KCNAB2: variants seen among roughly 807,000 people sequenced by gnomAD.
KCNAB2 encodes voltage-gated potassium channel subunit beta-2.
A neutral mutation model predicts 63.6 loss-of-function variants in KCNAB2; 29 were observed. The observed-to-expected ratio is 0.46, with a 90% CI of 0.34 to 0.62. The LOEUF (loss-of-function observed/expected upper bound fraction) is 0.62, where lower values mean the gene tolerates loss of function less well. Among genes scored for constraint, KCNAB2 ranks in the 20% least tolerant of loss-of-function variants. The pLI, the probability that KCNAB2 is intolerant of heterozygous loss-of-function variation, is 0.01. For synonymous variants in KCNAB2, 222 were observed against 224.2 expected (o/e 0.99, Z 0.09); for missense variants, 359 against 563.9 (o/e 0.64, Z 3.68).
chr1:6,067,801 G>T (rs767743467), intron 2 of KCNAB2, among the ~76,000 whole-genome samples: 5 of 152,192 alleles, frequency 3.3e-5, no homozygotes, highest in Non-Finnish European at 5.9e-5. Flanking sequence ...AGACTGAGGA[G>T]GGTGGATCAC....
In KCNAB2 at chr1:6,096,901, C is replaced by A; in HGVS notation, c.1069+145C>A. The A allele has an allele frequency of 8.7e-7, 1 of 1,144,782 alleles. No homozygotes were observed. Among genetic ancestry groups the A allele is most frequent in the Non-Finnish European group, 1.2e-6 (1 of 835,720 alleles). 70.9% of individuals were successfully genotyped at this position (1,144,782 alleles called of 1,614,324 possible). Reference sequence around the variant, plus strand: ...CTGGACATCATCCCCCAGCCAGCCTCGGGTAATCGGGCTCTAAGGGGCATG... The same window carrying A: ...CTGGACATCATCCCCCAGCCAGCCTAGGGTAATCGGGCTCTAAGGGGCATG... On this transcript the variant is annotated intron_variant, in intron 14 of 15. Coordinates refer to ENST00000378083, the MANE Select transcript of KCNAB2 (RefSeq NM_001199862.2). This position sits in a 1 kb window ranked among gnomAD's most constrained non-coding sequence, Gnocchi z 5.9.
intron 8 of KCNAB2, among the ~76,000 whole-genome samples, chr1:6,089,798 A>G (rs1665026744): frequency 6.6e-6 from 1 of 152,204 alleles, no homozygotes; most frequent in African/African-American, 2.4e-5. Context: ...CCTGGGTTCA[A>G]GCAATTCTCC....
intron 2 of KCNAB2, among the ~76,000 whole-genome samples, chr1:6,058,938 G>A (rs949418682): frequency 3.3e-5 from 5 of 152,232 alleles, no homozygotes; most frequent in Non-Finnish European, 5.9e-5. Context: ...TTGGAGCCTC[G>A]GTGGTCATGG....
Position 6,094,511 on chromosome 1 carries a change from T to C in KCNAB2, c.732+26T>C, listed in dbSNP as rs748213056. Reference sequence around the variant, plus strand: ...GTACGGTGGCCGCGCAGCATGTGTGTGTCCAGGCACAGACTCCCGGCACCG... The same window carrying C: ...GTACGGTGGCCGCGCAGCATGTGTGCGTCCAGGCACAGACTCCCGGCACCG... On this transcript the variant is annotated intron_variant, in intron 11 of 15. Coordinates refer to ENST00000378083, the MANE Select transcript of KCNAB2 (RefSeq NM_001199862.2). The C allele has an allele frequency of 6.9e-6, 11 of 1,585,272 alleles. 1 individual carries two copies. The highest frequency in any genetic ancestry group is 3.5e-4 in the Middle Eastern group (2 of 5,788).
Position 6,086,713 on chromosome 1 carries a change from G to A in KCNAB2, c.426-754G>A, listed in dbSNP as rs1664729578. ...GGCATTTGTCTCGTGTGGACTTAGA[G>A]CAGAAGAACGAATTACTTCCCTTTG... is the stretch of plus-strand genomic sequence containing the variant. On this transcript the variant is annotated intron_variant, in intron 6 of 15. Transcript: ENST00000378083. This position sits in a 1 kb window ranked among gnomAD's most constrained non-coding sequence, Gnocchi z 4.2. Among the ~76,000 whole-genome samples the A allele has an allele frequency of 6.6e-6, 1 of 152,162 alleles. No homozygotes were observed. Among genetic ancestry groups the A allele is most frequent in the Non-Finnish European group, 1.5e-5 (1 of 68,014 alleles).
At chr1:6,029,356 G>A (rs906958241), upstream of KCNAB2, among the ~76,000 whole-genome samples, 2 of 152,052 alleles carry the variant, frequency 1.3e-5, no homozygotes, top group African/African-American at 4.8e-5. Context: ...GACAGCCAAG[G>A]AGACCAGCAG....
At chr1:6,039,526 A>G (rs1570928086) in intron 1 of KCNAB2, among the ~76,000 whole-genome samples, 1 of 152,180 alleles carries the variant, frequency 6.6e-6, no homozygotes, top group Non-Finnish European at 1.5e-5. Context: ...CTCATTATCA[A>G]TGCTGCTGTA....
intron 6 of KCNAB2, 68 bp downstream of exon 6, chr1:6,085,316 C>A: frequency 7.0e-7 from 1 of 1,437,546 alleles, no homozygotes; most frequent in South Asian, 1.1e-5. Flanking sequence ...GGGTCAGCCT[C>A]GTCGGCCTGT....
At chr1:6,064,247 A>G (rs1199785432) in intron 2 of KCNAB2, among the ~76,000 whole-genome samples, 2 of 152,224 alleles carry the variant, frequency 1.3e-5, no homozygotes, top group Admixed American at 6.5e-5. Context: ...TCCGTAGGTC[A>G]GGGGGATGCC....
chr1:5,999,003 G>A (rs1381798939), intron 1 of KCNAB2, among the ~76,000 whole-genome samples: 2 of 152,368 alleles, frequency 1.3e-5, no homozygotes. Context: ...GGGCTGGCGG[G>A]CGTAGACGAA....
At chr1:6,039,473 G>A (rs1166949532) in intron 1 of KCNAB2, among the ~76,000 whole-genome samples, 1 of 152,154 alleles carries the variant, frequency 6.6e-6, no homozygotes, top group East Asian at 1.9e-4. Flanking sequence ...CCCAAGGGTG[G>A]CAGCCAGAGA....
chr1:6,016,580 G>A (rs1025148233), intron 1 of KCNAB2, among the ~76,000 whole-genome samples: 1 of 152,218 alleles, frequency 6.6e-6, no homozygotes, highest in African/African-American at 2.4e-5. Context: ...CTGGACAGGC[G>A]TCTACCAGAA....
At chr1:6,022,215 G>A (rs1403255145) in intron 1 of KCNAB2, among the ~76,000 whole-genome samples, 3 of 151,688 alleles carry the variant, frequency 2.0e-5, no homozygotes, top group East Asian at 3.9e-4. Flanking sequence ...GTGGTATTGA[G>A]TGTACAGTTC....
intron 1 of KCNAB2, among the ~76,000 whole-genome samples, chr1:6,011,543 G>A (rs1191893322): frequency 6.6e-6 from 1 of 152,246 alleles, no homozygotes; most frequent in Non-Finnish European, 1.5e-5. Context: ...TGGAAAGGTA[G>A]ACAGGAGAGG....
intron 2 of KCNAB2, among the ~76,000 whole-genome samples, chr1:6,063,490 A>G (rs536087013): frequency 7.5e-6 from 1 of 133,208 alleles, no homozygotes; most frequent in African/African-American, 2.8e-5. Context: ...GCTCACTGCA[A>G]CCTCCACCTC....
intron 1 of KCNAB2, among the ~76,000 whole-genome samples, chr1:6,002,434 C>T (rs1005944837): frequency 3.3e-5 from 5 of 152,210 alleles, no homozygotes; most frequent in African/African-American, 1.2e-4. Context: ...GAGGTTGAGA[C>T]AAAGCCAGGT....
intron 4 of KCNAB2, among the ~76,000 whole-genome samples, chr1:6,079,054 C>G (rs562925955): frequency 1.2e-4 from 19 of 152,184 alleles, no homozygotes; most frequent in Non-Finnish European, 2.2e-4. Context: ...AGGGGCTGAA[C>G]TTCAGGCTCC....
At chr1:6,084,791 T>C (rs1664547856) in intron 5 of KCNAB2, among the ~76,000 whole-genome samples, 1 of 32,710 alleles carries the variant, frequency 3.1e-5, no homozygotes, top group Admixed American at 2.9e-4. Flanking sequence ...ATTCCATTGA[T>C]AGAGCGAGAC....
At chr1:6,038,577 A>C (rs1266940403) in intron 1 of KCNAB2, among the ~76,000 whole-genome samples, 2 of 152,130 alleles carry the variant, frequency 1.3e-5, no homozygotes, top group Non-Finnish European at 2.9e-5. Context: ...GGCCTCCCGA[A>C]GTGCTGGTAT....
Sources: allele counts gnomAD v4.1 joint callset (sites outside exome capture counted in the v4.1 genomes callset), GRCh38; gene constraint gnomAD v4.1.1; non-coding constraint Gnocchi (gnomAD v3.1); transcripts MANE v1.5; gene names NCBI Gene and HGNC (gene_info 2026-07-23, HGNC 2026-07-21).